The following MAP4 variants were observed in gnomAD, a reference collection of about 807,000 sequenced individuals.
MAP4 encodes the protein microtubule associated protein 4.
MAP4 carries 76 observed loss-of-function variants against 170.2 expected under a neutral mutation model. The observed-to-expected ratio is 0.45, with a 90% CI of 0.37 to 0.54. The LOEUF is 0.54. MAP4 is among the 20% of genes least tolerant of loss of function. The pLI is 0.00. For synonymous variants in MAP4, 909 were observed against 994.5 expected (o/e 0.91, Z 1.62); for missense variants, 2,506 against 2,748.0 (o/e 0.91, Z 1.97).
At chr3:48,037,160 G>T (rs750400785) in intron 1 of MAP4, among the ~76,000 whole-genome samples, 19 of 151,988 alleles carry the variant, frequency 1.3e-4, no homozygotes, top group Non-Finnish European at 2.2e-4. Context: ...AGTAAAAAAG[G>T]GTCCCTCCAA....
intron 1 of MAP4, among the ~76,000 whole-genome samples, chr3:48,052,281 G>A (rs1170843248): frequency 6.6e-6 from 1 of 152,178 alleles, no homozygotes; most frequent in African/African-American, 2.4e-5. Context: ...GAGTGCGGTG[G>A]CGCGATCTTG....
intron 1 of MAP4, among the ~76,000 whole-genome samples, chr3:48,055,813 G>A (rs1168006176): frequency 2.2e-5 from 3 of 139,196 alleles, no homozygotes; most frequent in Admixed American, 7.2e-5. Context: ...GTCTCTGCCC[G>A]GCCGCCCATA....
intron 17 of MAP4, among the ~76,000 whole-genome samples, chr3:47,864,080 G>C (rs800762): frequency 0.38 from 58,239 of 151,530 alleles, 12,552 homozygotes; most frequent in African/African-American, 0.59. Context: ...CAGGCTCAAG[G>C]AATCCTCCCC....
intron 3 of MAP4, chr3:47,974,109 GT>G (rs1203980234): frequency 9.1e-6 from 9 of 985,154 alleles, no homozygotes; most frequent in Non-Finnish European, 1.1e-5. Context: ...CTCAAAAGTA[GT>G]TCTGTATCAG....
At chr3:47,891,448 C>T in intron 10 of MAP4, 7 of 1,530,580 alleles carry the variant, frequency 4.6e-6, no homozygotes, top group Non-Finnish European at 5.2e-6. Context: ...CAGGAGCTCC[C>T]AGTTTCCCAG....
At chr3:47,853,020 A>G (rs1226504597) in intron 20 of MAP4, 82 bp from the exon 21 acceptor site, 3 of 1,614,142 alleles carry the variant, frequency 1.9e-6, no homozygotes, top group East Asian at 2.2e-5. Flanking sequence ...AGACGAGACC[A>G]GAATGTCATC....
intron 3 of MAP4, among the ~76,000 whole-genome samples, chr3:47,935,090 A>G (rs2100051964): frequency 6.6e-6 from 1 of 152,232 alleles, no homozygotes; most frequent in African/African-American, 2.4e-5. Flanking sequence ...ATTATGAGAA[A>G]CATGCTAAAT....
At chr3:48,040,568 CTATT>C (rs779475972) in intron 1 of MAP4, among the ~76,000 whole-genome samples, 18 of 151,296 alleles carry the variant, frequency 1.2e-4, no homozygotes, top group Non-Finnish European at 2.7e-4. Flanking sequence ...CGCGCCCAGC[CTATT>C]TATTTATTTT....
At chr3:47,941,101 A>T (rs1429030558) in intron 3 of MAP4, among the ~76,000 whole-genome samples, 1 of 150,802 alleles carries the variant, frequency 6.6e-6, no homozygotes, top group East Asian at 2.0e-4. Context: ...CTGGTCTCAA[A>T]CTCCTGATCT....
chr3:48,021,879 CAT>C (rs2100110734), intron 1 of MAP4, among the ~76,000 whole-genome samples: 1 of 152,054 alleles, frequency 6.6e-6, no homozygotes, highest in Non-Finnish European at 1.5e-5. Context: ...ATGGCAATGT[CAT>C]ATGTTTGAAA....
chr3:48,004,693 T>C (rs914983349), intron 1 of MAP4, among the ~76,000 whole-genome samples: 2 of 152,094 alleles, frequency 1.3e-5, no homozygotes, highest in Admixed American at 6.5e-5. Flanking sequence ...AGGGCATTGA[T>C]TGGAAAAGAA....
chr3:48,004,588 T>C (rs765512821), intron 1 of MAP4, among the ~76,000 whole-genome samples: 11 of 152,100 alleles, frequency 7.2e-5, no homozygotes, highest in Admixed American at 2.0e-4. Flanking sequence ...AGAGCTGAAA[T>C]TGTGGAAAAA....
intron 3 of MAP4, among the ~76,000 whole-genome samples, chr3:47,971,777 T>C (rs1014151769): frequency 6.6e-6 from 1 of 152,204 alleles, no homozygotes; most frequent in African/African-American, 2.4e-5. Context: ...GGAATGAAAC[T>C]AACATTCTGT....
intron 3 of MAP4, among the ~76,000 whole-genome samples, chr3:47,970,812 C>T (rs769524524): frequency 3.9e-5 from 6 of 152,006 alleles, no homozygotes; most frequent in Admixed American, 6.5e-5. Flanking sequence ...GGCGAAACTT[C>T]GTCTCAAAAA....
chr3:47,992,612 A>G (rs1329814932), intron 2 of MAP4, among the ~76,000 whole-genome samples: 2 of 152,040 alleles, frequency 1.3e-5, no homozygotes, highest in Admixed American at 1.3e-4. Flanking sequence ...AACTTTAAAC[A>G]TGGTATCTTC....
chr3:47,950,581 TA>T (rs539055260), intron 3 of MAP4, among the ~76,000 whole-genome samples: 14 of 147,102 alleles, frequency 9.5e-5, no homozygotes, highest in East Asian at 2.0e-4. Flanking sequence ...AAATTATGTT[TA>T]AAAAAAAAAA....
rs752576600 is a variant in MAP4 at position 47,913,956 on chromosome 3, AC to A, written c.1999+860del. On this transcript the variant is annotated intron_variant, in intron 8 of 20. Transcript: ENST00000683076. ...AAATTGGAAAGTATCTTAGAGCAGT[AC>A]CTCTCAAAGTTTAATGAAAATTAGA... Among the ~76,000 whole-genome samples, 176 of 152,346 alleles carry A rather than the reference AC, an allele frequency of 1.2e-3. 1 individual carries two copies. The highest frequency in any genetic ancestry group is 4.0e-3 in the Admixed American group (61 of 15,300).
chr3:48,015,997 C>G (rs1445854573), intron 1 of MAP4, among the ~76,000 whole-genome samples: 1 of 152,202 alleles, frequency 6.6e-6, no homozygotes, highest in African/African-American at 2.4e-5. Context: ...AGGACAACAG[C>G]TGTGCTATTA....
intron 3 of MAP4, among the ~76,000 whole-genome samples, chr3:47,950,835 T>G (rs531745672): frequency 6.6e-6 from 1 of 152,338 alleles, no homozygotes; most frequent in Non-Finnish European, 1.5e-5. Flanking sequence ...AATATTCACC[T>G]GACAGTTTCG....
Sources: allele counts gnomAD v4.1 joint callset (sites outside exome capture counted in the v4.1 genomes callset), GRCh38; gene constraint gnomAD v4.1.1; transcripts MANE v1.5; gene names NCBI Gene and HGNC (gene_info 2026-07-23, HGNC 2026-07-21).